Variants in ZEB2 observed in about 807,000 individuals in gnomAD.
The protein encoded by ZEB2 is zinc finger E-box binding homeobox 2, also known as zinc finger E-box-binding homeobox 2.
A neutral mutation model predicts 99.9 loss-of-function variants in ZEB2; 6 were observed. The ratio of observed to expected loss-of-function variants is 0.06; its 90% CI spans 0.03 to 0.12. ZEB2 has a LOEUF of 0.12. Ranked by LOEUF, ZEB2 falls within the 10% of genes least tolerant of loss-of-function variation. The pLI, the probability that ZEB2 is intolerant of heterozygous loss-of-function variation, is 1.00. For missense variants in ZEB2, 969 were observed against 1,502.8 expected (o/e 0.64, Z 5.87); for synonymous variants, 517 against 542.5 (o/e 0.95, Z 0.65).
In ZEB2 at chr2:144,475,453, T is replaced by G. The variant is rs142153798; in HGVS notation, c.73+41825A>C. On this transcript the variant is annotated intron_variant, in intron 2 of 9. Coordinates refer to ENST00000627532, the MANE Select transcript of ZEB2 (RefSeq NM_014795.4). ...TATTACACATGGAAGAAATTATTAT[T>G]CAAGTTTAAAAGCCATATATATACA... 3.1e-3 allele frequency among the ~76,000 whole-genome samples: 476 copies of G among 152,314 alleles called. 4 individuals carry two copies. Among genetic ancestry groups the G allele is most frequent in the African/African-American group, 0.011 (442 of 41,558 alleles).
At position 144,401,295 on chromosome 2, in the gene ZEB2, T is replaced by A; in HGVS notation, c.820A>T (p.Thr274Ser). 1 of 1,614,132 alleles carries A rather than the reference T, an allele frequency of 6.2e-7. No homozygotes were observed. Among genetic ancestry groups the A allele is most frequent in the East Asian group, 2.2e-5 (1 of 44,874 alleles). The stretch of plus-strand genomic sequence containing the variant: ...AACTTGCGATTACCTGCTCCTTGGG[T>A]TAGCATTTGGTGCTATAAAAGGAGA... ...KPGTDQHQML[T>S]QGAGNRKFKC... is the part of the protein sequence containing the mutation. Residue 274 changes from threonine (T) to serine (S), a missense_variant, in exon 7 of 10, where the codon ACC (threonine) becomes TCC (serine). Thr to Ser is a moderately conservative substitution (Grantham distance 58). Transcript: ENST00000627532.
chr2:144,465,779 A>C (rs1385190350), intron 2 of ZEB2, among the ~76,000 whole-genome samples: 1 of 152,214 alleles, frequency 6.6e-6, no homozygotes, highest in East Asian at 1.9e-4. Context: ...AAGGTAACTT[A>C]TTCAGTGTCA....
At chr2:144,512,743 C>T in intron 2 of ZEB2, 1 of 1,287,154 alleles carries the variant, frequency 7.8e-7, no homozygotes, top group Non-Finnish European at 1.0e-6. Context: ...CTTAGTTTTT[C>T]CAGACCAAAA....
chr2:144,423,549 A>C (rs1312227483), intron 4 of ZEB2, among the ~76,000 whole-genome samples: 1 of 152,184 alleles, frequency 6.6e-6, no homozygotes, highest in Non-Finnish European at 1.5e-5. Context: ...CAAAGAGGAA[A>C]ACTGACTTGC....
At chr2:144,408,973 A>G (rs1051020686) in intron 4 of ZEB2, among the ~76,000 whole-genome samples, 2 of 152,216 alleles carry the variant, frequency 1.3e-5, no homozygotes, top group African/African-American at 4.8e-5. Context: ...GTAGCTATAA[A>G]ATGTGGAATG....
intron 6 of ZEB2, among the ~76,000 whole-genome samples, chr2:144,403,673 T>G (rs1465229317): frequency 1.3e-5 from 2 of 152,136 alleles, no homozygotes; most frequent in Non-Finnish European, 1.5e-5. Context: ...AAAGTCAAGT[T>G]AAAGTGCAAA....
chr2:144,514,396 T>C (rs1705095955), intron 2 of ZEB2: 1 of 152,292 alleles, frequency 6.6e-6, no homozygotes, highest in Non-Finnish European at 1.5e-5. Context: ...TTCCAGCTTC[T>C]ACTTATACGA....
At chr2:144,415,465 C>T (rs539729894) in intron 4 of ZEB2, among the ~76,000 whole-genome samples, 10 of 152,240 alleles carry the variant, frequency 6.6e-5, no homozygotes, top group South Asian at 6.2e-4. Flanking sequence ...CGTTATTTTC[C>T]TCCCATGCTT....
intron 4 of ZEB2, among the ~76,000 whole-genome samples, chr2:144,420,043 G>A (rs528485226): frequency 6.6e-5 from 10 of 152,074 alleles, no homozygotes; most frequent in Non-Finnish European, 1.2e-4. Context: ...TTCCCCTACT[G>A]TGGCTTCCTT....
At chr2:144,457,043 A>ATG (rs1286653628) in intron 2 of ZEB2, among the ~76,000 whole-genome samples, 1 of 152,102 alleles carries the variant, frequency 6.6e-6, no homozygotes, top group Non-Finnish European at 1.5e-5. Flanking sequence ...GGCAAGATAA[A>ATG]TGCATATAGA....
chr2:144,448,263 G>T (rs759228791), intron 2 of ZEB2, among the ~76,000 whole-genome samples: 1 of 152,118 alleles, frequency 6.6e-6, no homozygotes, highest in East Asian at 1.9e-4. Flanking sequence ...ATTTAAGCAT[G>T]AAATATATAA....
intron 2 of ZEB2, among the ~76,000 whole-genome samples, chr2:144,442,710 T>A (rs1199536571): frequency 1.3e-5 from 2 of 152,168 alleles, no homozygotes; most frequent in Non-Finnish European, 2.9e-5. Flanking sequence ...TTTTGGTGAA[T>A]AATTTACCTT....
At chr2:144,412,186 T>A (rs1703473846) in intron 4 of ZEB2, among the ~76,000 whole-genome samples, 1 of 152,192 alleles carries the variant, frequency 6.6e-6, no homozygotes, top group East Asian at 1.9e-4. Flanking sequence ...GGAGAATCAC[T>A]TGAACCTGGG....
intron 2 of ZEB2, among the ~76,000 whole-genome samples, chr2:144,480,793 C>T (rs1295407098): frequency 6.6e-6 from 1 of 150,672 alleles, no homozygotes; most frequent in Non-Finnish European, 1.5e-5. Flanking sequence ...GGCTAGTTTC[C>T]CTACTCATAT....
chr2:144,511,582 T>G, intron 2 of ZEB2: 1 of 1,279,578 alleles, frequency 7.8e-7, no homozygotes, highest in African/African-American at 1.5e-5. Context: ...TGGATCTTAC[T>G]TTTTAAAAGT....
At chr2:144,479,780 C>T (rs1704484168) in intron 2 of ZEB2, among the ~76,000 whole-genome samples, 1 of 151,546 alleles carries the variant, frequency 6.6e-6, no homozygotes, top group South Asian at 2.1e-4. Context: ...CTCAGCAGGT[C>T]ACCTATCTTT....
At position 144,517,268 on chromosome 2, in the gene ZEB2, T is replaced by G. The variant is rs753449937; in HGVS notation, c.73+10A>C. 3 of 1,613,388 alleles carry G rather than the reference T, an allele frequency of 1.9e-6. No individual in the cohort carries two copies. The highest frequency in any genetic ancestry group is 1.7e-5 in the Admixed American group (1 of 60,014). ...TGGCCCGGAAAAGTTTGGTTCGGGC[T>G]GCTTCTTACCGTTTTTCCTCCTGGG... On this transcript the variant is annotated intron_variant, in intron 2 of 9. Transcript: ENST00000627532.
rs1445803906 is a variant in ZEB2 at position 144,440,505 on chromosome 2, ATATATATATATTTTTTTTTTTTT to A, written c.74-10502_74-10480del. On this transcript the variant is annotated intron_variant, in intron 2 of 9. Transcript: ENST00000627532. ...AAGCAGTATATATATATATATATAT[ATATATATATATTTTTTTTTTTTT>A]TTTTTTTTTTTTTTAACTAGTGGTT... Among the ~76,000 whole-genome samples the A allele has an allele frequency of 2.6e-3, 41 of 15,638 alleles. 1 individual carries two copies. In the East Asian group the frequency reaches 0.078, roughly 30 times the overall value. The allele number at this position is 15,638 out of a possible 152,430, so 10.3% of individuals were successfully genotyped here.
chr2:144,461,099 C>CTTT (rs34818701), intron 2 of ZEB2: 14,447 of 144,006 alleles, frequency 0.1, 818 homozygotes, highest in Non-Finnish European at 0.11. Context: ...TTTTCTTTTT[C>CTTT]TTTTTTTTTT....
Sources: allele counts gnomAD v4.1 joint callset (sites outside exome capture counted in the v4.1 genomes callset), GRCh38; gene constraint gnomAD v4.1.1; transcripts MANE v1.5; gene names NCBI Gene and HGNC (gene_info 2026-07-23, HGNC 2026-07-21).